The following AGFG2 variants were observed in gnomAD, a reference collection of about 807,000 sequenced individuals.
AGFG2 encodes the protein ArfGAP with FG repeats 2.
AGFG2 carries 31 observed loss-of-function variants against 48.0 expected under a neutral mutation model. The observed-to-expected ratio is 0.65, with a 90% CI of 0.49 to 0.87. The LOEUF (loss-of-function observed/expected upper bound fraction) is 0.87. AGFG2 is among the 40% of genes least tolerant of loss of function. The probability of loss-of-function intolerance (pLI) is 0.00; values close to 1 mark genes in which losing one functional copy is unlikely to be tolerated. For missense variants in AGFG2, 599 were observed against 632.6 expected, an observed-to-expected ratio of 0.95 and a Z score of 0.57; for synonymous variants, 229 against 260.8, an observed-to-expected ratio of 0.88 and a Z score of 1.18.
intron 1 of AGFG2, among the ~76,000 whole-genome samples, chr7:100,546,087 A>G (rs1187994410): frequency 6.6e-6 from 1 of 152,158 alleles, no homozygotes; most frequent in Non-Finnish European, 1.5e-5. Flanking sequence ...CTGTTCCATC[A>G]GATTCATTTG....
chr7:100,557,458 T>C (rs984813426), intron 6 of AGFG2, among the ~76,000 whole-genome samples: 15 of 152,162 alleles, frequency 9.9e-5, no homozygotes, highest in Admixed American at 6.5e-5. Context: ...TTTGTTGTTG[T>C]TTTGTTGTTT....
chr7:100,541,678 G>C (rs962277207), intron 1 of AGFG2, among the ~76,000 whole-genome samples: 13 of 150,806 alleles, frequency 8.6e-5, no homozygotes, highest in Non-Finnish European at 7.4e-5. Flanking sequence ...CAAGAGAATT[G>C]CTTGAACCCA....
Position 100,565,267 on chromosome 7 carries a change from T to C in AGFG2, c.*276T>C. ...GATGGTTGAGGGGGAGGGATTTTTT[T>C]CAAATGATCAGTCCCCTGTGGAACA... On this transcript the variant is annotated 3_prime_UTR_variant, in exon 12 of 12. Coordinates refer to ENST00000300176, the MANE Select transcript of AGFG2 (RefSeq NM_006076.5). 1 of 536,600 alleles carries C rather than the reference T, an allele frequency of 1.9e-6. No individual in the cohort carries two copies. Among genetic ancestry groups the C allele is most frequent in the Non-Finnish European group, 3.4e-6 (1 of 296,872 alleles). 33.2% of individuals were successfully genotyped at this position (536,600 alleles called of 1,614,324 possible). A position where few individuals can be genotyped will look rare whatever the true frequency, so the allele number is the denominator to read the frequency against.
rs930649837 is a variant in AGFG2 at position 100,567,295 on chromosome 7, G to A, written c.*2304G>A. The A allele has an allele frequency of 6.5e-6, 1 of 152,742 alleles. No individual in the cohort carries two copies. Among genetic ancestry groups the A allele is most frequent in the Non-Finnish European group, 1.5e-5 (1 of 68,186 alleles). 9.5% of individuals were successfully genotyped at this position (152,742 alleles called of 1,614,324 possible). On this transcript the variant is annotated 3_prime_UTR_variant, in exon 12 of 12. Coordinates refer to ENST00000300176, the MANE Select transcript of AGFG2 (RefSeq NM_006076.5). ...CTCTCCTGGAGAGTAGCAAAGAATGGAGAAAGGCCTGGCTTGAGAGGAAAT... is the reference window on the plus strand; with the variant it reads ...CTCTCCTGGAGAGTAGCAAAGAATGAAGAAAGGCCTGGCTTGAGAGGAAAT...
intron 3 of AGFG2, 32 bp from the exon 4 acceptor site, chr7:100,553,313 CCT>C (rs1274845609): frequency 1.2e-6 from 2 of 1,613,226 alleles, no homozygotes; most frequent in Admixed American, 1.7e-5. Flanking sequence ...AAGTTTTATC[CCT>C]CTCTTTACAG....
At position 100,562,118 on chromosome 7, in the gene AGFG2, A is replaced by G. The variant is rs1800886292; in HGVS notation, c.878-141A>G. 3 of 1,172,512 alleles carry G rather than the reference A, an allele frequency of 2.6e-6. No individual in the cohort carries two copies. The highest frequency in any genetic ancestry group is 1.2e-6 in the Non-Finnish European group (1 of 829,982). 72.6% of individuals were successfully genotyped at this position (1,172,512 alleles called of 1,614,324 possible). On this transcript the variant is annotated intron_variant, in intron 6 of 11. Coordinates refer to ENST00000300176, the MANE Select transcript of AGFG2 (RefSeq NM_006076.5). The surrounding 1 kb of genome is among the most constrained non-coding windows in gnomAD (Gnocchi z 5.4). ...CCTGAACTGGGTGGTCCCTGAGAAA[A>G]TGGGCTGCCTCAGAGAACCCAGCAG... is the stretch of plus-strand genomic sequence containing the variant.
chr7:100,563,850 G>T lies in AGFG2; in HGVS notation c.1188G>T (p.Met396Ile), dbSNP rs1584392958. 2 of 1,611,438 alleles carry T rather than the reference G, an allele frequency of 1.2e-6. No homozygotes were observed. Among genetic ancestry groups the T allele is most frequent in the East Asian group, 4.5e-5 (2 of 44,878 alleles). The change falls in exon 10 of 12, where the codon ATG becomes ATT. Residue 396 changes from methionine (M) to isoleucine (I), a missense_variant. Met to Ile is a conservative substitution (Grantham distance 10, BLOSUM62 1). Coordinates refer to ENST00000300176, the MANE Select transcript of AGFG2 (RefSeq NM_006076.5). ...NGLAPGPGFGMSSAGPGFPQA... is the reference protein window; with the variant it reads ...NGLAPGPGFGISSAGPGFPQA... ...ACTCCATAGGGCCCGGCTTTGGGAT[G>T]AGCAGTGCTGGGCCTGGCTTCCCCC...
At chr7:100,558,861 C>T (rs1403651533) in intron 6 of AGFG2, among the ~76,000 whole-genome samples, 8 of 152,244 alleles carry the variant, frequency 5.3e-5, no homozygotes, top group South Asian at 4.1e-4. Context: ...AGTCACTGGG[C>T]GCAGTGGCTC....
intron 3 of AGFG2, among the ~76,000 whole-genome samples, chr7:100,551,495 G>A (rs1226184264): frequency 6.6e-6 from 1 of 151,564 alleles, no homozygotes; most frequent in Non-Finnish European, 1.5e-5. Flanking sequence ...GTGAGCCACC[G>A]TGCCCGGCCT....
At position 100,548,846 on chromosome 7, in the gene AGFG2, T is replaced by A. The variant is rs896466822; in HGVS notation, c.246T>A (p.Arg82=). The change falls in exon 2 of 12, where the codon CGT becomes CGA. Residue 82 remains arginine (R), a synonymous_variant. Coordinates refer to ENST00000300176, the MANE Select transcript of AGFG2 (RefSeq NM_006076.5). ...GGAGAGGGCTGAACCCCCCTCATCG[T>A]GTCAAGTCAATCTCCATGACAACTT... The part of the protein sequence containing the change: ...GLLRGLNPPH[R]VKSISMTTFT... The A allele has an allele frequency of 1.9e-6, 3 of 1,613,684 alleles. No individual in the cohort carries two copies. The highest frequency in any genetic ancestry group is 2.5e-6 in the Non-Finnish European group (3 of 1,179,752).
chr7:100,560,052 CAA>C (rs1305905562), intron 6 of AGFG2, among the ~76,000 whole-genome samples: 1 of 152,134 alleles, frequency 6.6e-6, no homozygotes, highest in Non-Finnish European at 1.5e-5. Flanking sequence ...CACAGCAGCA[CAA>C]AGAGTCAGCC....
chr7:100,551,722 A>G (rs1800649490), intron 3 of AGFG2, among the ~76,000 whole-genome samples: 1 of 150,866 alleles, frequency 6.6e-6, no homozygotes, highest in African/African-American at 2.4e-5. Flanking sequence ...CGTCCCTACT[A>G]AAAATACAAA....
At chr7:100,548,801 C>A in intron 1 of AGFG2, 21 bp from the exon 2 acceptor site, 1 of 1,587,706 alleles carries the variant, frequency 6.3e-7, no homozygotes, top group Non-Finnish European at 8.6e-7. Context: ...ACTTCTCTTT[C>A]TTCCTGTTTC....
intron 6 of AGFG2, among the ~76,000 whole-genome samples, chr7:100,559,365 A>T (rs1800819314): frequency 6.6e-6 from 1 of 152,120 alleles, no homozygotes; most frequent in African/African-American, 2.4e-5. Context: ...GTTGGGTGTG[A>T]ACTGAGAGAG....
At chr7:100,563,509 T>C (rs1002051890) in intron 9 of AGFG2, among the ~76,000 whole-genome samples, 1 of 152,220 alleles carries the variant, frequency 6.6e-6, no homozygotes, top group South Asian at 2.1e-4. Flanking sequence ...TGAGACGGAC[T>C]GTCCCCATTT....
intron 6 of AGFG2, among the ~76,000 whole-genome samples, chr7:100,557,579 C>T (rs981315673): frequency 7.2e-5 from 11 of 152,098 alleles, no homozygotes; most frequent in Admixed American, 2.0e-4. Flanking sequence ...GGATTACAGG[C>T]GCATGCCACC....
chr7:100,563,045 G>GC, intron 9 of AGFG2, 99 bp downstream of exon 9: 1 of 1,241,020 alleles, frequency 8.1e-7, no homozygotes, highest in Non-Finnish European at 1.1e-6. Context: ...CACGCTGTCA[G>GC]GAGAAGCAGA....
rs1452930993 is a variant in AGFG2 at position 100,568,171 on chromosome 7, G to A, written c.*3180G>A. The A allele has an allele frequency of 6.5e-6, 1 of 152,754 alleles. No individual in the cohort carries two copies. Among genetic ancestry groups the A allele is most frequent in the African/African-American group, 2.4e-5 (1 of 41,446 alleles). The allele number at this position is 152,754 out of a possible 1,614,324, so 9.5% of individuals were successfully genotyped here. A position where few individuals can be genotyped will look rare whatever the true frequency, so the allele number is the denominator to read the frequency against. ...AAGGAAGGGTGCTGCAGGGGGACCT[G>A]GTTGATGGGGAGTGGGAAGGGGAAG... On this transcript the variant is annotated 3_prime_UTR_variant, in exon 12 of 12. Transcript: ENST00000300176.
At chr7:100,543,187 C>T (rs1800454599) in intron 1 of AGFG2, among the ~76,000 whole-genome samples, 1 of 152,218 alleles carries the variant, frequency 6.6e-6, no homozygotes, top group Admixed American at 6.5e-5. Flanking sequence ...CCTCAGCCTC[C>T]CCAGGTAGCT....
Sources: gnomAD v4.1 joint callset for allele counts (sites outside exome capture counted in the v4.1 genomes callset) on GRCh38, gnomAD v4.1.1 for gene constraint, Gnocchi (gnomAD v3.1) non-coding constraint, MANE v1.5 for transcripts, NCBI Gene and HGNC (gene_info 2026-07-23, HGNC 2026-07-21) for gene names.